The following CYP27C1 variants were observed in gnomAD, a reference collection of about 807,000 sequenced individuals.
CYP27C1 encodes cytochrome P450 27C1.
Under a neutral mutation model 40.6 loss-of-function variants are expected in CYP27C1, and 29 were observed. The observed-to-expected ratio is 0.71, with a 90% confidence interval of 0.53 to 0.97. The LOEUF (loss-of-function observed/expected upper bound fraction) is 0.97, where lower values mean the gene tolerates loss of function less well. Ranked by LOEUF, CYP27C1 falls within the 50% of genes least tolerant of loss-of-function variation. The pLI, the probability that CYP27C1 is intolerant of heterozygous loss-of-function variation, is 0.00. For synonymous variants in CYP27C1, 198 were observed against 186.8 expected (o/e 1.06, Z -0.49); for missense variants, 390 against 485.8 (o/e 0.80, Z 1.85).
Position 127,186,216 on chromosome 2 carries a change from T to C in CYP27C1, c.*1055A>G, listed in dbSNP as rs1387295870. ...TTTAGATTTGGTTAGAAAATCTGAT[T>C]ATTCTTGATTTCACCAGGAGCTTTC... On this transcript the variant is annotated 3_prime_UTR_variant, in exon 9 of 9. Coordinates refer to ENST00000664447, the MANE Select transcript of CYP27C1 (RefSeq NM_001367502.1). This position sits in a 1 kb window ranked among gnomAD's most constrained non-coding sequence, Gnocchi z 4.5. 1 of 151,826 alleles carries C rather than the reference T, an allele frequency of 6.6e-6. No homozygotes were observed. Among genetic ancestry groups the C allele is most frequent in the Non-Finnish European group, 1.5e-5 (1 of 67,938 alleles). The allele number at this position is 151,826 out of a possible 1,614,324, so 9.4% of individuals were successfully genotyped here. A position where few individuals can be genotyped will look rare whatever the true frequency, so the allele number is the denominator to read the frequency against.
chr2:127,204,717 G>A (rs1262172312), intron 2 of CYP27C1, among the ~76,000 whole-genome samples: 2 of 152,148 alleles, frequency 1.3e-5, no homozygotes, highest in East Asian at 1.9e-4. Flanking sequence ...GGCTGCACTC[G>A]GAGAGCACCC....
At chr2:127,204,547 G>GAGAGAGAGAGAGAGAAAGAAAGAA (rs1683161920) in intron 2 of CYP27C1, among the ~76,000 whole-genome samples, 1 of 64,806 alleles carries the variant, frequency 1.5e-5, no homozygotes, top group African/African-American at 6.3e-5. Context: ...GAGAGAGAGA[G>GAGAGAGAGAGAGAGAAAGAAAGAA]AGAGAGAGAG....
intron 2 of CYP27C1, among the ~76,000 whole-genome samples, chr2:127,204,451 AG>A (rs1683129374): frequency 2.6e-5 from 1 of 39,058 alleles, no homozygotes; most frequent in Admixed American, 4.8e-4. Flanking sequence ...AAAGAAAGAA[AG>A]AAAGAAAGAA....
At chr2:127,215,779 A>G (rs555815361) in intron 1 of CYP27C1, among the ~76,000 whole-genome samples, 1 of 152,162 alleles carries the variant, frequency 6.6e-6, no homozygotes, top group Non-Finnish European at 1.5e-5. Context: ...CTGATAAGGG[A>G]CTTGTACCCA....
intron 8 of CYP27C1, among the ~76,000 whole-genome samples, chr2:127,188,122 G>T (rs1449280460): frequency 6.6e-6 from 1 of 152,180 alleles, no homozygotes; most frequent in African/African-American, 2.4e-5. Flanking sequence ...GGGGGGAGGA[G>T]GGACCTTGCT....
At chr2:127,197,537 A>G (rs1682932086) in intron 5 of CYP27C1, among the ~76,000 whole-genome samples, 1 of 152,152 alleles carries the variant, frequency 6.6e-6, no homozygotes, top group South Asian at 2.1e-4. Context: ...AATGAAGTCA[A>G]TGACTCCTAC....
At chr2:127,187,729 G>C (rs73953279) in intron 8 of CYP27C1, among the ~76,000 whole-genome samples, 1 of 152,176 alleles carries the variant, frequency 6.6e-6, no homozygotes, top group African/African-American at 2.4e-5. Context: ...GATGAAGAAG[G>C]CATCAAAGGA....
At position 127,195,556 on chromosome 2, in the gene CYP27C1, A is replaced by G. The variant is rs1558927224; in HGVS notation, c.1048-55T>C. ...GGCAGTGAGTAACACCAGGGACTGA[A>G]ACAGAGGCGGTGGCAGGTAGGAAGT... On this transcript the variant is annotated intron_variant, in intron 5 of 8. Transcript: ENST00000664447. This position sits in a 1 kb window ranked among gnomAD's most constrained non-coding sequence, Gnocchi z 6.2. 6.3e-6 allele frequency: 10 copies of G among 1,584,952 alleles called. No individual in the cohort carries two copies. In the African/African-American group the frequency reaches 6.7e-5, roughly 11 times the overall value.
intron 8 of CYP27C1, among the ~76,000 whole-genome samples, chr2:127,188,834 C>T (rs1682697652): frequency 6.6e-6 from 1 of 152,142 alleles, no homozygotes; most frequent in Admixed American, 6.5e-5. Context: ...TCAGACAGGG[C>T]ACCAAGGCTC....
chr2:127,211,328 G>A (rs573403122), intron 1 of CYP27C1, among the ~76,000 whole-genome samples: 133 of 145,546 alleles, frequency 9.1e-4, no homozygotes, highest in Non-Finnish European at 1.2e-3. Context: ...AAGAGACAAC[G>A]TACCAGAATC....
intron 8 of CYP27C1, among the ~76,000 whole-genome samples, chr2:127,187,834 G>A (rs1682666580): frequency 6.6e-6 from 1 of 152,172 alleles, no homozygotes; most frequent in Non-Finnish European, 1.5e-5. Context: ...GAGGCGGAGA[G>A]AGCTGAATCC....
chr2:127,186,923 G>A lies in CYP27C1; in HGVS notation c.*348C>T, dbSNP rs1012110607. On this transcript the variant is annotated 3_prime_UTR_variant, in exon 9 of 9. Transcript: ENST00000664447. This position sits in a 1 kb window ranked among gnomAD's most constrained non-coding sequence, Gnocchi z 4.5. ...GAACATATATTGAAGAACTGAATTT[G>A]TAAGTAAACCACCATTTCCCTGTAC... 17 of 182,850 alleles carry A rather than the reference G, an allele frequency of 9.3e-5. No homozygotes were observed. Among genetic ancestry groups the A allele is most frequent in the Admixed American group, 2.9e-4 (5 of 17,404 alleles). The allele number at this position is 182,850 out of a possible 1,614,324, so 11.3% of individuals were successfully genotyped here.
At chr2:127,212,075 G>A (rs560183592) in intron 1 of CYP27C1, among the ~76,000 whole-genome samples, 18 of 152,242 alleles carry the variant, frequency 1.2e-4, no homozygotes, top group Admixed American at 1.2e-3. Flanking sequence ...TAGAAGAAAT[G>A]GATAAATTCC....
intron 8 of CYP27C1, among the ~76,000 whole-genome samples, chr2:127,191,148 G>A (rs1169440198): frequency 1.3e-5 from 2 of 152,024 alleles, no homozygotes; most frequent in Admixed American, 6.6e-5. Flanking sequence ...TCCAGAGGCT[G>A]AGGCAGGAGA....
intron 3 of CYP27C1, among the ~76,000 whole-genome samples, chr2:127,202,629 T>C (rs983320632): frequency 2.0e-5 from 3 of 152,200 alleles, no homozygotes; most frequent in African/African-American, 4.8e-5. Flanking sequence ...CTTTTTGGTA[T>C]TGCTATTTGA....
chr2:127,204,440 A>AAAAGAAAGAAAG (rs59482629), intron 2 of CYP27C1, among the ~76,000 whole-genome samples: 3,144 of 41,232 alleles, frequency 0.076, 229 homozygotes, highest in Non-Finnish European at 0.096. Flanking sequence ...GAAAGAAAGA[A>AAAAGAAAGAAAG]AAAGAAAGAA....
intron 2 of CYP27C1, among the ~76,000 whole-genome samples, chr2:127,205,495 C>G (rs116770675): frequency 0.015 from 2,232 of 152,256 alleles, 28 homozygotes; most frequent in Non-Finnish European, 0.022. Context: ...ACGTGGCGAC[C>G]AAGGCTGGAG....
chr2:127,202,931 G>A (rs549868103), intron 3 of CYP27C1, among the ~76,000 whole-genome samples: 84 of 152,204 alleles, frequency 5.5e-4, no homozygotes, highest in African/African-American at 1.9e-3. Flanking sequence ...CACTTTGGGA[G>A]GCCAAGGCGG....
rs777423171 is a variant in CYP27C1, at chr2:127,201,203, C to T, written c.802G>A (p.Ala268Thr). The T allele has an allele frequency of 6.8e-5, 109 of 1,614,144 alleles. No individual in the cohort carries two copies. Among genetic ancestry groups the T allele is most frequent in the Middle Eastern group, 3.3e-4 (2 of 6,040 alleles). The change falls in exon 4 of 9, where the codon GCC becomes ACC. Residue 268 changes from alanine (A) to threonine (T), a missense_variant. Coordinates refer to ENST00000664447, the MANE Select transcript of CYP27C1 (RefSeq NM_001367502.1). This position sits in a 1 kb window ranked among gnomAD's most constrained non-coding sequence, Gnocchi z 6.0. ...AAGGGGCGAAGCCATCTGGGGATGG[C>T]GCCTGCATACATGGAGGTCTTGAAC... is the stretch of plus-strand genomic sequence containing the variant. ...SMFKTSMYAG[A>T]IPRWLRPFIP...
Sources: allele counts gnomAD v4.1 joint callset (sites outside exome capture counted in the v4.1 genomes callset), GRCh38; gene constraint gnomAD v4.1.1; non-coding constraint Gnocchi (gnomAD v3.1); transcripts MANE v1.5; gene names NCBI Gene and HGNC (gene_info 2026-07-23, HGNC 2026-07-21).